The following DELE1 variants were observed in gnomAD, a reference collection of about 807,000 sequenced individuals.
DELE1 encodes the protein DAP3 binding cell death enhancer 1.
In DELE1, 54 loss-of-function variants were observed where a neutral mutation model predicts 59.3. That is an observed-to-expected ratio of 0.91 (90% CI 0.73 to 1.14). The LOEUF is 1.14. Among genes scored for constraint, DELE1 ranks in the 50% most tolerant of loss-of-function variants. DELE1 has a pLI of 0.00. For synonymous variants in DELE1, 264 were observed against 259.1 expected, an observed-to-expected ratio of 1.02 and a Z score of -0.18; for missense variants, 636 against 643.9, an observed-to-expected ratio of 0.99 and a Z score of 0.13.
Position 141,940,331 on chromosome 5 carries a change from G to C in DELE1, c.*1572G>C, listed in dbSNP as rs371183287. 23 of 985,276 alleles carry C rather than the reference G, an allele frequency of 2.3e-5. No individual in the cohort carries two copies. In the East Asian group the frequency reaches 1.2e-3, roughly 53 times the overall value. 61.0% of individuals were successfully genotyped at this position (985,276 alleles called of 1,614,324 possible). ...TTCTGAGTCAGTGCTAATGAGTCCA[G>C]TTACTGAATTTGTGAATAGCTATTC... On this transcript the variant is annotated 3_prime_UTR_variant, in exon 12 of 12. Transcript: ENST00000432126.
rs1220164293 is a variant in DELE1 at position 141,923,903 on chromosome 5, C to T, written c.-39C>T. The T allele has an allele frequency of 4.4e-6, 7 of 1,584,670 alleles. No homozygotes were observed. Among genetic ancestry groups the T allele is most frequent in the African/African-American group, 2.7e-5 (2 of 74,320 alleles). ...GCCGCTGTCCCAAGGGTTGGTCTCGCGCTTTCGGCTGCGAGCTCTCTGTGG... is the reference window on the plus strand; with the variant it reads ...GCCGCTGTCCCAAGGGTTGGTCTCGTGCTTTCGGCTGCGAGCTCTCTGTGG... On this transcript the variant is annotated 5_prime_UTR_variant, in exon 1 of 12. Coordinates refer to ENST00000432126, the MANE Select transcript of DELE1 (RefSeq NM_014773.5).
chr5:141,925,243 A>C (rs940105904), intron 2 of DELE1, among the ~76,000 whole-genome samples, 167 bp from the exon 3 acceptor site: 13 of 151,928 alleles, frequency 8.6e-5, no homozygotes, highest in African/African-American at 3.1e-4. Flanking sequence ...TTATATTTTT[A>C]GTAGAGATGG....
rs1248342801 is a variant in DELE1, at chr5:141,940,469, GACCA to G, written c.*1715_*1718del. 1 of 985,328 alleles carries G rather than the reference GACCA, an allele frequency of 1.0e-6. No individual in the cohort carries two copies. The highest frequency in any genetic ancestry group is 1.7e-5 in the African/African-American group (1 of 57,214). The allele number at this position is 985,328 out of a possible 1,614,324, so 61.0% of individuals were successfully genotyped here. ...CCCCACAATCCCATGACTGAGTGGA[GACCA>G]ACCAGCCTGGCCAATTCAAAGGCAA... On this transcript the variant is annotated 3_prime_UTR_variant, in exon 12 of 12. Transcript: ENST00000432126.
intron 2 of DELE1, 72 bp downstream of exon 2, chr5:141,924,767 G>GT: frequency 6.2e-6 from 6 of 967,678 alleles, no homozygotes; most frequent in South Asian, 2.9e-5. Flanking sequence ...TTTTTTTGTT[G>GT]TTTTTTGAGA....
Position 141,924,598 on chromosome 5 carries a change from G to C in DELE1, c.49G>C (p.Gly17Arg), listed in dbSNP as rs918284046. The C allele has an allele frequency of 1.2e-6, 2 of 1,613,064 alleles. No individual in the cohort carries two copies. Among genetic ancestry groups the C allele is most frequent in the Non-Finnish European group, 1.7e-6 (2 of 1,179,086 alleles). Residue 17 changes from glycine to arginine, a missense_variant, in exon 2 of 12, where the codon GGA becomes CGA. Gly to Arg is a moderately radical substitution (Grantham distance 125, BLOSUM62 -2). Transcript: ENST00000432126. ...CTGTACAGCTCTTCCCCGTACACTGGGACCTAGCCTCTGGAGGGTGACTCC... is the reference window on the plus strand; with the variant it reads ...CTGTACAGCTCTTCCCCGTACACTGCGACCTAGCCTCTGGAGGGTGACTCC... The part of the protein sequence containing the change: ...LLGRALPRTL[G>R]PSLWRVTPKS...
At position 141,938,537 on chromosome 5, in the gene DELE1, C is replaced by A; in HGVS notation, c.1326C>A (p.Asp442Glu). ...SMGAAAPGPS[D>E]LTVTGLKSFS... ...TTCTTGTAGCCCCGGGGCCCAGCGA[C>A]CTGACAGTTACAGGACTGAAGTCTT... is the stretch of plus-strand genomic sequence containing the variant. The change falls in exon 12 of 12, where the codon GAC (aspartate) becomes GAA (glutamate). Residue 442 changes from aspartate to glutamate, a missense_variant. By Grantham distance (45) the Asp-to-Glu change is conservative. Transcript: ENST00000432126. 1 of 1,613,996 alleles carries A rather than the reference C, an allele frequency of 6.2e-7. No homozygotes were observed.
Position 141,941,536 on chromosome 5 carries a change from C to T in DELE1, c.*2777C>T, listed in dbSNP as rs1752736193. ...GCCATTAAAATTCTGTTATTAATGA[C>T]TCATCATCAGTGCCCCAGAGGAAGT... On this transcript the variant is annotated 3_prime_UTR_variant, in exon 12 of 12. Transcript: ENST00000432126. 1.0e-6 allele frequency: 1 copy of T among 985,322 alleles called. No homozygotes were observed. The highest frequency in any genetic ancestry group is 1.7e-5 in the African/African-American group (1 of 57,220). The allele number at this position is 985,322 out of a possible 1,614,324, so 61.0% of individuals were successfully genotyped here. A position where few individuals can be genotyped will look rare whatever the true frequency, so the allele number is the denominator to read the frequency against.
At chr5:141,924,522 A>T (rs1293322097) in intron 1 of DELE1, 59 bp from the exon 2 acceptor site, 1 of 964,028 alleles carries the variant, frequency 1.0e-6, no homozygotes. Context: ...CTGCTGAGGC[A>T]GATGACAGTG....
intron 10 of DELE1, among the ~76,000 whole-genome samples, chr5:141,935,835 A>G (rs1455096165): frequency 1.3e-5 from 2 of 152,208 alleles, no homozygotes; most frequent in Non-Finnish European, 2.9e-5. Flanking sequence ...CTCAGACCCA[A>G]CACACTTCCA....
At chr5:141,938,080 C>G (rs1019190506) in intron 11 of DELE1, among the ~76,000 whole-genome samples, 1 of 151,982 alleles carries the variant, frequency 6.6e-6, no homozygotes, top group Non-Finnish European at 1.5e-5. Flanking sequence ...CCCGCCTCGG[C>G]CTCCCAAAGT....
chr5:141,933,104 A>AT, intron 7 of DELE1, among the ~76,000 whole-genome samples, 155 bp from the exon 8 acceptor site: 2 of 138,244 alleles, frequency 1.4e-5, no homozygotes, highest in African/African-American at 5.7e-5. Flanking sequence ...CAAAAAAAAA[A>AT]AAAAAAAATA....
At chr5:141,929,959 C>G (rs1225089533) in intron 5 of DELE1, 30 bp from the exon 6 acceptor site, 2 of 1,603,544 alleles carry the variant, frequency 1.2e-6, no homozygotes, top group African/African-American at 2.7e-5. Flanking sequence ...TCTCCTTTGC[C>G]CTGGCCGGGT....
intron 1 of DELE1, 85 bp downstream of exon 1, chr5:141,924,057 C>G (rs1751157889): frequency 6.6e-7 from 1 of 1,526,036 alleles, no homozygotes; most frequent in Non-Finnish European, 8.9e-7. Flanking sequence ...ACAGCCGAAG[C>G]GATCGTGGGC....
At chr5:141,926,242 T>C (rs886541569) in intron 3 of DELE1, among the ~76,000 whole-genome samples, 1 of 152,198 alleles carries the variant, frequency 6.6e-6, no homozygotes, top group African/African-American at 2.4e-5. Context: ...CTTACAAAAA[T>C]CTTACAAGGG....
At chr5:141,928,378 G>T in intron 4 of DELE1, 80 bp downstream of exon 4, 1 of 1,476,364 alleles carries the variant, frequency 6.8e-7, no homozygotes. Context: ...CACACCTCAG[G>T]AAAAGAGCCA....
chr5:141,939,990 A>G lies in DELE1; in HGVS notation c.*1231A>G. 3 of 985,054 alleles carry G rather than the reference A, an allele frequency of 3.0e-6. No individual in the cohort carries two copies. The highest frequency in any genetic ancestry group is 3.6e-6 in the Non-Finnish European group (3 of 829,620). The allele number at this position is 985,054 out of a possible 1,614,324, so 61.0% of individuals were successfully genotyped here. A position where few individuals can be genotyped will look rare whatever the true frequency, so the allele number is the denominator to read the frequency against. On this transcript the variant is annotated 3_prime_UTR_variant, in exon 12 of 12. Coordinates refer to ENST00000432126, the MANE Select transcript of DELE1 (RefSeq NM_014773.5). ...TTCTTGTCCATCAGTTCATACTGCAATTTTATGTGAAAGCATTATGACTGT... is the reference window on the plus strand; with the variant it reads ...TTCTTGTCCATCAGTTCATACTGCAGTTTTATGTGAAAGCATTATGACTGT...
In DELE1 at chr5:141,937,212, G is replaced by A. The variant is rs150320860; in HGVS notation, c.1164G>A (p.Arg388=). The change falls in exon 11 of 12, where the codon AGG becomes AGA. Residue 388 remains arginine, a synonymous_variant. Coordinates refer to ENST00000432126, the MANE Select transcript of DELE1 (RefSeq NM_014773.5). The stretch of plus-strand genomic sequence containing the variant: ...TTTCTCCTTAGGACTCACAGAGCAG[G>A]TACCACCTTGGAATTTGCTATGAGA... ...LAANNGDSQS[R]YHLGICYEKG... 391 of 1,614,054 alleles carry A rather than the reference G, an allele frequency of 2.4e-4. No homozygotes were observed. The highest frequency in any genetic ancestry group is 3.2e-4 in the Non-Finnish European group (379 of 1,180,036).
intron 10 of DELE1, among the ~76,000 whole-genome samples, chr5:141,936,198 C>A (rs1034677579): frequency 1.3e-5 from 2 of 152,112 alleles, no homozygotes; most frequent in Non-Finnish European, 2.9e-5. Flanking sequence ...AAGGTAGGTG[C>A]TATTAGCATC....
intron 7 of DELE1, 144 bp from the exon 8 acceptor site, chr5:141,933,108 AAAAATAT>A (rs1210668695): frequency 3.7e-4 from 56 of 150,242 alleles, no homozygotes; most frequent in African/African-American, 1.5e-3. Context: ...AAAAAAAAAA[AAAAATAT>A]ATATATATAT....
Sources: allele counts gnomAD v4.1 joint callset (sites outside exome capture counted in the v4.1 genomes callset), GRCh38; gene constraint gnomAD v4.1.1; transcripts MANE v1.5; gene names NCBI Gene and HGNC (gene_info 2026-07-23, HGNC 2026-07-21).